The following PPP2R2B variants were observed in gnomAD, a reference collection of about 807,000 sequenced individuals.
PPP2R2B encodes serine/threonine-protein phosphatase 2A 55 kDa regulatory subunit B beta isoform.
A neutral mutation model predicts 46.0 loss-of-function variants in PPP2R2B; 5 were observed. The ratio of observed to expected loss-of-function variants is 0.11; its 90% confidence interval spans 0.06 to 0.23. The LOEUF is 0.23. PPP2R2B is among the 10% of genes least tolerant of loss of function. PPP2R2B has a pLI of 1.00. For missense variants in PPP2R2B, 367 were observed against 575.0 expected, an observed-to-expected ratio of 0.64 and a Z score of 3.70; for synonymous variants, 215 against 206.7, an observed-to-expected ratio of 1.04 and a Z score of -0.34.
intron 2 of PPP2R2B, among the ~76,000 whole-genome samples, chr5:146,805,571 C>T (rs1385646742): frequency 6.6e-6 from 1 of 152,154 alleles, no homozygotes; most frequent in Non-Finnish European, 1.5e-5. Flanking sequence ...CCAAAGCCCT[C>T]TTTATTCAAT....
intron 1 of PPP2R2B, among the ~76,000 whole-genome samples, chr5:146,904,086 G>T (rs1762924683): frequency 2.6e-5 from 4 of 152,144 alleles, no homozygotes; most frequent in Admixed American, 6.6e-5. Flanking sequence ...GCCAACTGTA[G>T]TAGGCTAGTA....
At chr5:146,852,824 T>TGA (rs1308954438) in intron 2 of PPP2R2B, among the ~76,000 whole-genome samples, 1 of 152,060 alleles carries the variant, frequency 6.6e-6, no homozygotes, top group East Asian at 1.9e-4. Context: ...AACATAGAAG[T>TGA]GACAGGAAAA....
At chr5:146,954,246 A>G (rs1751769008) in intron 1 of PPP2R2B, among the ~76,000 whole-genome samples, 1 of 151,890 alleles carries the variant, frequency 6.6e-6, no homozygotes, top group Non-Finnish European at 1.5e-5. Flanking sequence ...AAAATATATG[A>G]GGATACTTTA....
chr5:146,747,597 T>A (rs1753269748), intron 2 of PPP2R2B, among the ~76,000 whole-genome samples: 2 of 152,280 alleles, frequency 1.3e-5, no homozygotes, highest in African/African-American at 4.8e-5. Context: ...TGGTAGTTAA[T>A]ATAATTAAAA....
chr5:146,627,514 A>T (rs1301365412), intron 7 of PPP2R2B, among the ~76,000 whole-genome samples: 1 of 152,204 alleles, frequency 6.6e-6, no homozygotes, highest in Non-Finnish European at 1.5e-5. Flanking sequence ...ATGGTTGAAA[A>T]TGGTCAGGCT....
At chr5:146,674,713 TC>T (rs1777591513) in intron 5 of PPP2R2B, among the ~76,000 whole-genome samples, 1 of 152,134 alleles carries the variant, frequency 6.6e-6, no homozygotes, top group Admixed American at 6.6e-5. Context: ...AACATGTGGC[TC>T]CCTTTCAATG....
intron 1 of PPP2R2B, among the ~76,000 whole-genome samples, chr5:146,913,711 G>A (rs319165): frequency 1 from 151,860 of 152,310 alleles, 75,708 homozygotes; most frequent in Middle Eastern, 1. Context: ...TTTGAGGAAC[G>A]CTCTCTAATA....
chr5:146,642,686 C>T (rs1192859076), intron 6 of PPP2R2B, among the ~76,000 whole-genome samples: 3 of 152,106 alleles, frequency 2.0e-5, no homozygotes, highest in Admixed American at 6.5e-5. Context: ...GGTGGGTTTA[C>T]GAATGGTTTT....
Position 146,878,200 on chromosome 5 carries a change from G to C in PPP2R2B, c.-124-5C>G. Reference sequence around the variant, plus strand: ...GGACTGCACCATGGTCCGAGCCTGAGGAGGAGACGGGGAGGCGGAGAGAAA... The same window carrying C: ...GGACTGCACCATGGTCCGAGCCTGACGAGGAGACGGGGAGGCGGAGAGAAA... On this transcript the variant is annotated splice_polypyrimidine_tract_variant and splice_region_variant and intron_variant, in intron 1 of 9. Transcript: ENST00000394411. The surrounding 1 kb of genome is among the most constrained non-coding windows in gnomAD (Gnocchi z 4.5). The C allele has an allele frequency of 6.3e-7, 1 of 1,575,176 alleles. No individual in the cohort carries two copies. The highest frequency in any genetic ancestry group is 8.6e-7 in the Non-Finnish European group (1 of 1,159,998).
intron 1 of PPP2R2B, among the ~76,000 whole-genome samples, chr5:146,981,062 AT>A (rs201476258): frequency 3.0e-4 from 46 of 151,154 alleles, no homozygotes; most frequent in Admixed American, 4.6e-4. Flanking sequence ...TTTCTTACTC[AT>A]TTTTTTTTGT....
chr5:146,838,820 C>A (rs989635295), intron 2 of PPP2R2B, among the ~76,000 whole-genome samples: 12 of 152,142 alleles, frequency 7.9e-5, no homozygotes, highest in African/African-American at 2.9e-4. Context: ...ACAAGGTTTT[C>A]TTGAAATAAG....
At chr5:146,769,531 A>T (rs770616217) in intron 2 of PPP2R2B, among the ~76,000 whole-genome samples, 1 of 152,226 alleles carries the variant, frequency 6.6e-6, no homozygotes, top group African/African-American at 2.4e-5. Flanking sequence ...ATCAGCAATC[A>T]TTGTTGAGGT....
At chr5:147,033,675 C>A (rs977013324) in intron 1 of PPP2R2B, among the ~76,000 whole-genome samples, 2 of 152,042 alleles carry the variant, frequency 1.3e-5, no homozygotes, top group East Asian at 3.9e-4. Flanking sequence ...GCAAGTCAAG[C>A]CTTCATCACA....
intron 2 of PPP2R2B, among the ~76,000 whole-genome samples, chr5:146,754,184 G>A (rs1172320628): frequency 2.6e-5 from 4 of 152,178 alleles, no homozygotes; most frequent in African/African-American, 9.7e-5. Flanking sequence ...AGCCATAACT[G>A]TTATAATAAG....
At chr5:146,783,126 G>T (rs1755636921) in intron 2 of PPP2R2B, among the ~76,000 whole-genome samples, 1 of 152,128 alleles carries the variant, frequency 6.6e-6, no homozygotes, top group East Asian at 1.9e-4. Context: ...AACAAATTAA[G>T]ATTAATGTCA....
chr5:146,664,993 A>G (rs1375856608), intron 5 of PPP2R2B, among the ~76,000 whole-genome samples: 1 of 100,568 alleles, frequency 9.9e-6, no homozygotes, highest in Non-Finnish European at 2.0e-5. Flanking sequence ...ACAGTAAACC[A>G]TGCTGTAAAC....
chr5:146,966,074 G>T (rs1752389278), intron 1 of PPP2R2B, among the ~76,000 whole-genome samples: 1 of 152,214 alleles, frequency 6.6e-6, no homozygotes, highest in East Asian at 1.9e-4. Context: ...AGATTGAGAA[G>T]AAAATTGTCA....
chr5:146,858,024 T>C (rs1249044604), intron 2 of PPP2R2B, among the ~76,000 whole-genome samples: 2 of 152,180 alleles, frequency 1.3e-5, no homozygotes, highest in African/African-American at 4.8e-5. Flanking sequence ...AGCTTAACAT[T>C]TAGCAATTAC....
At chr5:146,700,690 C>T (rs1779484944) in intron 3 of PPP2R2B, among the ~76,000 whole-genome samples, 1 of 152,154 alleles carries the variant, frequency 6.6e-6, no homozygotes. Context: ...TATTCTGGCA[C>T]ACCTGAAATC....
Sources: gnomAD v4.1 joint callset for allele counts (sites outside exome capture counted in the v4.1 genomes callset) on GRCh38, gnomAD v4.1.1 for gene constraint, Gnocchi (gnomAD v3.1) non-coding constraint, MANE v1.5 for transcripts, NCBI Gene and HGNC (gene_info 2026-07-23, HGNC 2026-07-21) for gene names.